Variants in NRG3 observed in about 807,000 individuals in gnomAD.
NRG3 encodes the protein pro-neuregulin-3, membrane-bound isoform.
NRG3 carries 31 observed loss-of-function variants against 66.9 expected under a neutral mutation model. The ratio of observed to expected loss-of-function variants is 0.46; its 90% CI spans 0.35 to 0.63. NRG3 has a LOEUF of 0.63. Ranked by LOEUF, NRG3 falls within the 20% of genes least tolerant of loss-of-function variation. The pLI is 0.00. For synonymous variants in NRG3, 393 were observed against 359.4 expected, an observed-to-expected ratio of 1.09 and a Z score of -1.06; for missense variants, 910 against 878.9, an observed-to-expected ratio of 1.04 and a Z score of -0.45.
chr10:82,394,789 T>G (rs1024904256), intron 2 of NRG3, among the ~76,000 whole-genome samples: 1 of 152,198 alleles, frequency 6.6e-6, no homozygotes, highest in Non-Finnish European at 1.5e-5. Flanking sequence ...GTAGCCTTCA[T>G]AGTGGTAGAT....
rs529619299 is a variant in NRG3 at position 82,730,240 on chromosome 10, G to A, written c.954-8337G>A. ...GCTGAGACTACAGGTGCCCACCACCGTGCCTGGCTAATTTTTTGTATTTTT... is the reference window on the plus strand; with the variant it reads ...GCTGAGACTACAGGTGCCCACCACCATGCCTGGCTAATTTTTTGTATTTTT... On this transcript the variant is annotated intron_variant, in intron 2 of 8. Coordinates refer to ENST00000372141, the MANE Select transcript of NRG3 (RefSeq NM_001010848.4). Among the ~76,000 whole-genome samples the A allele has an allele frequency of 2.3e-3, 353 of 151,796 alleles. 1 individual carries two copies. Among genetic ancestry groups the A allele is most frequent in the African/African-American group, 6.5e-3 (269 of 41,414 alleles).
intron 1 of NRG3, among the ~76,000 whole-genome samples, chr10:82,299,875 G>A (rs1229112640): frequency 6.6e-6 from 1 of 152,142 alleles, no homozygotes; most frequent in Non-Finnish European, 1.5e-5. Context: ...CTTTTTATCT[G>A]TAGAAGCAGA....
In NRG3 at chr10:82,172,399, T is replaced by C. The variant is rs530849841; in HGVS notation, c.824-186340T>C. Among the ~76,000 whole-genome samples, 12 of 152,262 alleles carry C rather than the reference T, an allele frequency of 7.9e-5. No individual in the cohort carries two copies. The South Asian group carries it at 2.3e-3, about 29-fold the overall frequency. On this transcript the variant is annotated intron_variant, in intron 1 of 8. Transcript: ENST00000372141. ...GAATATGTGGGTTACTGCTTGTCTT[T>C]GATTTATTTTTAATGTGGACAATGA...
chr10:82,087,692 T>C (rs1183385271), intron 1 of NRG3, among the ~76,000 whole-genome samples: 1 of 152,144 alleles, frequency 6.6e-6, no homozygotes, highest in Admixed American at 6.5e-5. Context: ...GATTTAACAT[T>C]CACCAGGGAA....
intron 2 of NRG3, among the ~76,000 whole-genome samples, chr10:82,634,597 T>C (rs1590957327): frequency 6.6e-6 from 1 of 152,220 alleles, no homozygotes; most frequent in East Asian, 1.9e-4. Flanking sequence ...CTCTCTAATA[T>C]GTAAACATAT....
intron 1 of NRG3, among the ~76,000 whole-genome samples, chr10:82,170,858 C>T (rs968841102): frequency 1.3e-5 from 2 of 150,532 alleles, no homozygotes; most frequent in East Asian, 2.0e-4. Flanking sequence ...ATTGATATTC[C>T]AATCAGAAGG....
chr10:82,697,266 G>GA lies in NRG3; in HGVS notation c.954-41306dup, dbSNP rs372187575. On this transcript the variant is annotated intron_variant, in intron 2 of 8. Coordinates refer to ENST00000372141, the MANE Select transcript of NRG3 (RefSeq NM_001010848.4). Reference sequence around the variant, plus strand: ...TTGAAATTGTTGGATGATGAAGTAGGAAAAAGTGTTAGGGAAGTCCGGAAA... The same window carrying GA: ...TTGAAATTGTTGGATGATGAAGTAGGAAAAAAGTGTTAGGGAAGTCCGGAAA... Among the ~76,000 whole-genome samples the GA allele has an allele frequency of 4.5e-3, 686 of 152,232 alleles. 2 individuals are homozygous for GA. The highest frequency in any genetic ancestry group is 6.9e-3 in the Non-Finnish European group (469 of 68,022).
rs2070472898 is a variant in NRG3 at position 82,148,975 on chromosome 10, G to A, written c.824-209764G>A. On this transcript the variant is annotated intron_variant, in intron 1 of 8. Transcript: ENST00000372141. ...AGGTGGGGGTGAGATGAGTCAGATAGGGAAGACAGCAGAGACTGTCTACCC... is the reference window on the plus strand; with the variant it reads ...AGGTGGGGGTGAGATGAGTCAGATAAGGAAGACAGCAGAGACTGTCTACCC... Among the ~76,000 whole-genome samples, 3 of 152,028 alleles carry A rather than the reference G, an allele frequency of 2.0e-5. No homozygotes were observed. The South Asian group carries it at 6.2e-4, about 32-fold the overall frequency.
intron 1 of NRG3, among the ~76,000 whole-genome samples, chr10:82,164,502 C>T (rs989724280): frequency 5.9e-5 from 9 of 152,130 alleles, no homozygotes; most frequent in Admixed American, 2.6e-4. Context: ...CTCTTTATCA[C>T]TCTCACTCGA....
At position 82,542,178 on chromosome 10, in the gene NRG3, G is replaced by T. The variant is rs576625010; in HGVS notation, c.953+183310G>T. Among the ~76,000 whole-genome samples, 4 of 152,172 alleles carry T rather than the reference G, an allele frequency of 2.6e-5. No individual in the cohort carries two copies. The South Asian group carries it at 8.3e-4, about 32-fold the overall frequency. On this transcript the variant is annotated intron_variant, in intron 2 of 8. Transcript: ENST00000372141. The stretch of plus-strand genomic sequence containing the variant: ...TATGAATGAGAACATGTGGTGTTTG[G>T]TGTTCTGTTCCTGTATTAGTTTGCT...
At chr10:82,039,306 A>T (rs1934132888) in intron 1 of NRG3, among the ~76,000 whole-genome samples, 1 of 152,142 alleles carries the variant, frequency 6.6e-6, no homozygotes, top group Non-Finnish European at 1.5e-5. Context: ...CATTTTTTAA[A>T]TTAAATACCA....
intron 1 of NRG3, among the ~76,000 whole-genome samples, chr10:82,099,274 C>T (rs188081338): frequency 1.1e-4 from 17 of 152,204 alleles, no homozygotes; most frequent in Admixed American, 1.0e-3. Context: ...TTTTATAAAA[C>T]ATAAAATTTG....
At chr10:82,093,301 A>T (rs1365364114) in intron 1 of NRG3, among the ~76,000 whole-genome samples, 1 of 152,204 alleles carries the variant, frequency 6.6e-6, no homozygotes, top group African/African-American at 2.4e-5. Flanking sequence ...CTTGAACTAA[A>T]CATACCATTT....
At chr10:82,409,750 T>G (rs1050138148) in intron 2 of NRG3, among the ~76,000 whole-genome samples, 6 of 152,242 alleles carry the variant, frequency 3.9e-5, no homozygotes, top group African/African-American at 1.4e-4. Context: ...GACAGTTCTC[T>G]CTTGGGATCC....
At chr10:82,825,982 G>A (rs2062187341) in intron 3 of NRG3, among the ~76,000 whole-genome samples, 2 of 152,116 alleles carry the variant, frequency 1.3e-5, no homozygotes, top group Admixed American at 6.5e-5. Context: ...TTTACAGATT[G>A]ATTGTCTTTT....
intron 3 of NRG3, among the ~76,000 whole-genome samples, chr10:82,740,823 CAAAAAAAAAA>C (rs56944502): frequency 0.57 from 68,632 of 120,556 alleles, 17,695 homozygotes; most frequent in East Asian, 0.64. Flanking sequence ...GACTCTGTCT[CAAAAAAAAAA>C]AAAAAAAAAA....
At chr10:82,936,648 G>T (rs1848097624) in intron 4 of NRG3, among the ~76,000 whole-genome samples, 1 of 152,110 alleles carries the variant, frequency 6.6e-6, no homozygotes, top group Non-Finnish European at 1.5e-5. Flanking sequence ...GAGGTAATGT[G>T]TTTGTTAATC....
At chr10:82,522,445 G>A (rs887556083) in intron 2 of NRG3, among the ~76,000 whole-genome samples, 1 of 151,940 alleles carries the variant, frequency 6.6e-6, no homozygotes, top group Non-Finnish European at 1.5e-5. Flanking sequence ...GTGGTTTGTG[G>A]TACCCCAAAA....
intron 2 of NRG3, among the ~76,000 whole-genome samples, chr10:82,658,300 T>A (rs1186261513): frequency 6.6e-6 from 1 of 152,040 alleles, no homozygotes; most frequent in Non-Finnish European, 1.5e-5. Context: ...TAATAAAACA[T>A]ATAACCATCT....
Sources: allele counts gnomAD v4.1 joint callset (sites outside exome capture counted in the v4.1 genomes callset), GRCh38; gene constraint gnomAD v4.1.1; transcripts MANE v1.5; gene names NCBI Gene and HGNC (gene_info 2026-07-23, HGNC 2026-07-21).